The following MYO3B variants were observed in gnomAD, a reference collection of about 807,000 sequenced individuals.
MYO3B encodes the protein myosin-IIIb.
In MYO3B, 156 loss-of-function variants were observed where a neutral mutation model predicts 174.6. That is an observed-to-expected ratio of 0.89 (90% CI 0.78 to 1.02). The LOEUF (loss-of-function observed/expected upper bound fraction) is 1.02. Ranked by LOEUF, MYO3B falls within the 50% of genes least tolerant of loss-of-function variation. The probability of loss-of-function intolerance (pLI) is 0.00; values close to 1 mark genes in which losing one functional copy is unlikely to be tolerated. For missense variants in MYO3B, 1,632 were observed against 1,639.4 expected, an observed-to-expected ratio of 1.00 and a Z score of 0.08; for synonymous variants, 563 against 569.1, an observed-to-expected ratio of 0.99 and a Z score of 0.15.
chr2:170,500,360 C>T (rs6433206), intron 27 of MYO3B, among the ~76,000 whole-genome samples: 137,227 of 152,170 alleles, frequency 0.9, 63,051 homozygotes, highest in Non-Finnish European at 1. Context: ...GTTCATCTGA[C>T]CTCTGGGTGA....
At chr2:170,217,484 AT>A in intron 6 of MYO3B, 89 bp downstream of exon 6, 1 of 1,118,004 alleles carries the variant, frequency 8.9e-7, no homozygotes, top group Non-Finnish European at 1.4e-6. Context: ...GCTTTGCAGA[AT>A]TTTTAGGGAG....
At chr2:170,187,621 T>A (rs1231078240) in intron 1 of MYO3B, among the ~76,000 whole-genome samples, 1 of 152,226 alleles carries the variant, frequency 6.6e-6, no homozygotes, top group Non-Finnish European at 1.5e-5. Context: ...TAACCATTCC[T>A]CTTAGCACTG....
At chr2:170,279,937 A>G (rs780039534) in intron 7 of MYO3B, among the ~76,000 whole-genome samples, 7 of 152,100 alleles carry the variant, frequency 4.6e-5, no homozygotes, top group Non-Finnish European at 8.8e-5. Flanking sequence ...TTGTGTGCAT[A>G]TGTCTTTATG....
Position 170,477,288 on chromosome 2 carries a change from A to G in MYO3B, c.3014+10577A>G, listed in dbSNP as rs1685376847. On this transcript the variant is annotated intron_variant, in intron 25 of 34. Transcript: ENST00000408978. The stretch of plus-strand genomic sequence containing the variant: ...AATCCCCAGTCCAGGCACCTTCTCT[A>G]TGAAGGCTGCCTGGACTCTGCCAAA... 5.3e-5 allele frequency among the ~76,000 whole-genome samples: 8 copies of G among 152,066 alleles called. 1 individual carries two copies.
At chr2:170,178,386 T>C (rs934898275) in intron 1 of MYO3B, 97 bp downstream of exon 1, 1 of 1,491,516 alleles carries the variant, frequency 6.7e-7, no homozygotes, top group African/African-American at 1.4e-5. Flanking sequence ...TGGTGGGCAG[T>C]GGAGGGGGAT....
At chr2:170,556,791 G>A (rs1024435860) in intron 32 of MYO3B, among the ~76,000 whole-genome samples, 7 of 152,076 alleles carry the variant, frequency 4.6e-5, no homozygotes, top group African/African-American at 7.2e-5. Context: ...CAAAGTGCTG[G>A]GATTACAGGC....
chr2:170,536,964 G>C (rs1689724619), intron 30 of MYO3B, among the ~76,000 whole-genome samples: 1 of 152,066 alleles, frequency 6.6e-6, no homozygotes, highest in African/African-American at 2.4e-5. Flanking sequence ...CACTTTGGGA[G>C]TCTGAGGCAG....
chr2:170,324,485 C>T (rs2093850733), intron 7 of MYO3B, among the ~76,000 whole-genome samples: 2 of 152,150 alleles, frequency 1.3e-5, no homozygotes, highest in Admixed American at 6.5e-5. Context: ...TGCAAGTGCT[C>T]CTAATGTCGG....
intron 23 of MYO3B, among the ~76,000 whole-genome samples, chr2:170,459,944 C>A (rs111676495): frequency 1.3e-5 from 2 of 152,142 alleles, no homozygotes; most frequent in African/African-American, 2.4e-5. Context: ...AGCCTGCCCC[C>A]ACCCGGAACT....
intron 6 of MYO3B, among the ~76,000 whole-genome samples, chr2:170,230,681 A>G (rs994635692): frequency 2.0e-5 from 3 of 152,204 alleles, no homozygotes; most frequent in Admixed American, 1.3e-4. Context: ...CATGCTCTCT[A>G]TAGACATTTT....
chr2:170,614,088 C>G (rs746130378), intron 32 of MYO3B, among the ~76,000 whole-genome samples: 15 of 152,140 alleles, frequency 9.9e-5, no homozygotes, highest in Non-Finnish European at 1.8e-4. Context: ...CTCGTGCTCT[C>G]TCTCCCACCT....
At chr2:170,308,070 T>C (rs2105461581) in intron 7 of MYO3B, among the ~76,000 whole-genome samples, 1 of 152,302 alleles carries the variant, frequency 6.6e-6, no homozygotes, top group Middle Eastern at 3.4e-3. Context: ...CTCTGGCTCA[T>C]AGTAAATACT....
At chr2:170,540,295 G>A (rs1690003208) in intron 30 of MYO3B, among the ~76,000 whole-genome samples, 1 of 151,964 alleles carries the variant, frequency 6.6e-6, no homozygotes, top group Non-Finnish European at 1.5e-5. Context: ...CTGCACTCTA[G>A]CCTGGGCAAC....
intron 28 of MYO3B, among the ~76,000 whole-genome samples, chr2:170,509,013 TG>T (rs201532041): frequency 7.3e-5 from 10 of 137,032 alleles, no homozygotes; most frequent in African/African-American, 3.1e-4. Context: ...TCAACTTCAC[TG>T]GGGGGGAAAA....
chr2:170,643,028 A>C (rs1431258195), intron 32 of MYO3B, among the ~76,000 whole-genome samples: 1 of 147,346 alleles, frequency 6.8e-6, no homozygotes, highest in Non-Finnish European at 1.5e-5. Context: ...CCACCCAAAG[A>C]GATTTGAAAA....
intron 32 of MYO3B, among the ~76,000 whole-genome samples, chr2:170,606,515 C>T (rs553655105): frequency 1.3e-5 from 2 of 152,304 alleles, no homozygotes; most frequent in Admixed American, 1.3e-4. Context: ...TATTCATTTC[C>T]TAGCCTGCAA....
At chr2:170,181,221 A>C (rs895592281) in intron 1 of MYO3B, among the ~76,000 whole-genome samples, 1 of 152,144 alleles carries the variant, frequency 6.6e-6, no homozygotes, top group Non-Finnish European at 1.5e-5. Flanking sequence ...CAATTGTTTT[A>C]GCACTGTTGA....
chr2:170,499,576 A>G (rs1157237888), intron 26 of MYO3B, 70 bp from the exon 27 acceptor site: 2 of 1,357,664 alleles, frequency 1.5e-6, no homozygotes, highest in East Asian at 2.3e-5. Context: ...TTCATTTAGA[A>G]TATGCTGTAG....
chr2:170,565,834 G>A (rs1344191903), intron 32 of MYO3B, among the ~76,000 whole-genome samples: 9 of 152,172 alleles, frequency 5.9e-5, no homozygotes, highest in Non-Finnish European at 1.2e-4. Flanking sequence ...CAATACTTTC[G>A]ATGAGAGAAA....
Sources: gnomAD v4.1 joint callset for allele counts (sites outside exome capture counted in the v4.1 genomes callset) on GRCh38, gnomAD v4.1.1 for gene constraint, MANE v1.5 for transcripts, NCBI Gene and HGNC (gene_info 2026-07-23, HGNC 2026-07-21) for gene names.